The following IFT140 variants were observed in gnomAD, a reference collection of about 807,000 sequenced individuals.
IFT140 encodes the protein intraflagellar transport protein 140 homolog.
IFT140 carries 133 observed loss-of-function variants against 164.6 expected under a neutral mutation model. The observed-to-expected ratio is 0.81, with a 90% confidence interval of 0.70 to 0.93. The LOEUF (loss-of-function observed/expected upper bound fraction) is 0.93. IFT140 is among the 40% of genes least tolerant of loss of function. The pLI is 0.00. For synonymous variants in IFT140, 860 were observed against 817.3 expected (o/e 1.05, Z -0.89); for missense variants, 2,045 against 1,972.3 (o/e 1.04, Z -0.70).
chr16:1,521,941 G>A (rs2040539905), intron 26 of IFT140, among the ~76,000 whole-genome samples: 2 of 151,242 alleles, frequency 1.3e-5, no homozygotes, highest in South Asian at 4.2e-4. Context: ...AAAAGAATAT[G>A]GCTGAGCATG....
rs182050591 is a variant in IFT140, at chr16:1,543,619, G to A, written c.2399+14316C>T. Reference sequence around the variant, plus strand: ...CTCTGCATGCCCAACTTCGAAAAGGGTAATTTCTGCCCCCACCCAACTGAC... The same window carrying A: ...CTCTGCATGCCCAACTTCGAAAAGGATAATTTCTGCCCCCACCCAACTGAC... On this transcript the variant is annotated intron_variant, in intron 19 of 30. Coordinates refer to ENST00000426508, the MANE Select transcript of IFT140 (RefSeq NM_014714.4). 9.2e-5 allele frequency among the ~76,000 whole-genome samples: 14 copies of A among 152,352 alleles called. No individual in the cohort carries two copies. The East Asian group carries it at 2.5e-3, about 27-fold the overall frequency.
Position 1,557,955 on chromosome 16 carries a change from T to A in IFT140, c.2379A>T (p.Lys793Asn). Reference protein sequence around the residue: ...VTIGDMDEAFKSIKLIKSEAV... With the variant: ...VTIGDMDEAFNSIKLIKSEAV... ...CTCACCTTTTGATGAGCTTGATGGA[T>A]TTGAAGGCTTCGTCCATGTCTCCTA... The change falls in exon 19 of 31, where the codon AAA becomes AAT. Residue 793 changes from lysine (K) to asparagine (N), a missense_variant. Coordinates refer to ENST00000426508, the MANE Select transcript of IFT140 (RefSeq NM_014714.4). 3.1e-6 allele frequency: 5 copies of A among 1,613,684 alleles called. No individual in the cohort carries two copies. Among genetic ancestry groups the A allele is most frequent in the Non-Finnish European group, 4.2e-6 (5 of 1,180,028 alleles).
intron 30 of IFT140, chr16:1,514,725 A>G (rs1165851736): frequency 6.6e-6 from 1 of 152,232 alleles, no homozygotes. Context: ...TGTCCATGAT[A>G]CAAAAAAATG....
intron 30 of IFT140, among the ~76,000 whole-genome samples, chr16:1,512,507 G>A (rs964822961): frequency 1.3e-5 from 2 of 152,256 alleles, no homozygotes; most frequent in East Asian, 3.9e-4. Flanking sequence ...AATTCCACAG[G>A]CTTCAAGCAA....
chr16:1,554,524 C>T (rs1212166835), intron 19 of IFT140, among the ~76,000 whole-genome samples: 4 of 152,202 alleles, frequency 2.6e-5, no homozygotes, highest in Admixed American at 6.5e-5. Context: ...CCTCCACAGC[C>T]GCCAGAGCCT....
chr16:1,596,433 T>C (rs2035468853), intron 4 of IFT140, among the ~76,000 whole-genome samples: 1 of 152,186 alleles, frequency 6.6e-6, no homozygotes, highest in African/African-American at 2.4e-5. Context: ...CTCAACATCA[T>C]CAGACAGGCT....
chr16:1,597,325 T>C (rs1260095238), intron 4 of IFT140, among the ~76,000 whole-genome samples: 1 of 152,192 alleles, frequency 6.6e-6, no homozygotes, highest in Non-Finnish European at 1.5e-5. Context: ...TGGTTACTGC[T>C]GATTGGTGCA....
intron 4 of IFT140, among the ~76,000 whole-genome samples, chr16:1,601,168 GA>G (rs1422599217): frequency 6.6e-6 from 1 of 151,696 alleles, no homozygotes; most frequent in Non-Finnish European, 1.5e-5. Flanking sequence ...GAAGGCTAAG[GA>G]GAGAGAATCG....
intron 19 of IFT140, among the ~76,000 whole-genome samples, chr16:1,535,584 A>G (rs1039953631): frequency 6.6e-6 from 1 of 152,174 alleles, no homozygotes; most frequent in Non-Finnish European, 1.5e-5. Context: ...GGTAACACAC[A>G]TCACGTGTGC....
At chr16:1,581,722 AGGGGAGGGGAGGAGCG>A (rs1397825872) in intron 12 of IFT140, among the ~76,000 whole-genome samples, 2 of 116,522 alleles carry the variant, frequency 1.7e-5, no homozygotes, top group Non-Finnish European at 3.6e-5. Context: ...TACAGAGGAG[AGGGGAGGGGAGGAGCG>A]GGGGAGGGGA....
chr16:1,559,950 G>C (rs1261889097), intron 18 of IFT140, among the ~76,000 whole-genome samples: 1 of 152,218 alleles, frequency 6.6e-6, no homozygotes, highest in East Asian at 1.9e-4. Context: ...GGACGCATGC[G>C]GGAAGGTGAG....
At chr16:1,561,687 G>A (rs1277628207) in intron 18 of IFT140, among the ~76,000 whole-genome samples, 4 of 152,260 alleles carry the variant, frequency 2.6e-5, no homozygotes, top group African/African-American at 9.6e-5. Context: ...CAAGGGGGAA[G>A]GGTGCAGAGT....
intron 15 of IFT140, among the ~76,000 whole-genome samples, chr16:1,567,490 G>A (rs1303760257): frequency 6.6e-6 from 1 of 152,164 alleles, no homozygotes; most frequent in African/African-American, 2.4e-5. Context: ...GGCCTGGCCG[G>A]AGCTCCACAG....
intron 13 of IFT140, among the ~76,000 whole-genome samples, chr16:1,573,298 A>C (rs1229214157): frequency 1.3e-5 from 2 of 152,124 alleles, no homozygotes; most frequent in African/African-American, 4.8e-5. Flanking sequence ...ATGATGACAG[A>C]GAGCACTGGA....
intron 8 of IFT140, 94 bp from the exon 9 acceptor site, chr16:1,587,398 C>A: frequency 1.3e-6 from 1 of 767,446 alleles, no homozygotes; most frequent in Non-Finnish European, 2.3e-6. Context: ...CATTAAAAGT[C>A]AGGAAAAAGA....
intron 29 of IFT140, 44 bp downstream of exon 29, chr16:1,519,836 AG>A (rs771193061): frequency 1.3e-5 from 19 of 1,496,800 alleles, no homozygotes; most frequent in Middle Eastern, 2.4e-4. Flanking sequence ...CCGGCCCTGT[AG>A]TCACATCTGC....
At chr16:1,516,969 A>C (rs1464257982) in intron 30 of IFT140, among the ~76,000 whole-genome samples, 1 of 152,160 alleles carries the variant, frequency 6.6e-6, no homozygotes, top group Non-Finnish European at 1.5e-5. Flanking sequence ...CCTAAAATGA[A>C]AAACAGAAAA....
At chr16:1,594,556 C>T (rs2035353978) in intron 4 of IFT140, among the ~76,000 whole-genome samples, 1 of 152,182 alleles carries the variant, frequency 6.6e-6, no homozygotes, top group South Asian at 2.1e-4. Flanking sequence ...TGGAATCAGC[C>T]ATTTCTCCGA....
At chr16:1,542,574 G>C (rs377734851) in intron 19 of IFT140, among the ~76,000 whole-genome samples, 1 of 152,228 alleles carries the variant, frequency 6.6e-6, no homozygotes, top group Middle Eastern at 3.2e-3. Flanking sequence ...TGTTATAAAC[G>C]CAGCTTCCTA....
Sources: allele counts gnomAD v4.1 joint callset (sites outside exome capture counted in the v4.1 genomes callset), GRCh38; gene constraint gnomAD v4.1.1; transcripts MANE v1.5; gene names NCBI Gene and HGNC (gene_info 2026-07-23, HGNC 2026-07-21).